Variants in MALRD1 observed in about 807,000 individuals in gnomAD.
MALRD1 encodes the protein MAM and LDL-receptor class A domain-containing protein 1.
MALRD1 carries 247 observed loss-of-function variants against 242.1 expected under a neutral mutation model. That is an observed-to-expected ratio of 1.02 (90% CI 0.92 to 1.13). The LOEUF (loss-of-function observed/expected upper bound fraction) is 1.13. Among genes scored for constraint, MALRD1 ranks in the 50% most tolerant of loss-of-function variants. The probability of loss-of-function intolerance (pLI) is 0.00; values close to 1 mark genes in which losing one functional copy is unlikely to be tolerated. For synonymous variants in MALRD1, 995 were observed against 866.6 expected (o/e 1.15, Z -2.60); for missense variants, 2,989 against 2,533.1 (o/e 1.18, Z -3.86).
At chr10:19,587,877 C>T (rs761632497) in intron 33 of MALRD1, among the ~76,000 whole-genome samples, 20 of 148,552 alleles carry the variant, frequency 1.3e-4, no homozygotes, top group East Asian at 5.9e-4. Flanking sequence ...GTCAAAGTTC[C>T]GAAATGCCAG....
chr10:19,246,992 T>A (rs1839084928), intron 18 of MALRD1, among the ~76,000 whole-genome samples: 1 of 152,018 alleles, frequency 6.6e-6, no homozygotes. Flanking sequence ...AAAAATCCCA[T>A]TATACAAATG....
At chr10:19,441,021 T>C (rs1834614526) in intron 28 of MALRD1, among the ~76,000 whole-genome samples, 1 of 152,122 alleles carries the variant, frequency 6.6e-6, no homozygotes, top group Non-Finnish European at 1.5e-5. Flanking sequence ...TCCTGACTTT[T>C]TAATGATCTC....
chr10:19,573,105 C>G (rs1445168730), intron 33 of MALRD1, among the ~76,000 whole-genome samples: 1 of 150,052 alleles, frequency 6.7e-6, no homozygotes, highest in Non-Finnish European at 1.5e-5. Flanking sequence ...CTTTCTGTCT[C>G]TCTTGTTTGC....
At chr10:19,148,788 A>AAAAAAAATATATATATATATATATATAT (rs1206724666) in intron 11 of MALRD1, among the ~76,000 whole-genome samples, 1 of 88,012 alleles carries the variant, frequency 1.1e-5, no homozygotes, top group Non-Finnish European at 2.5e-5. Context: ...AAAAAAAAAA[A>AAAAAAAATATATATATATATATATATAT]ATATATATAT....
intron 14 of MALRD1, among the ~76,000 whole-genome samples, chr10:19,202,875 A>G (rs536638426): frequency 6.6e-6 from 1 of 152,250 alleles, no homozygotes; most frequent in Non-Finnish European, 1.5e-5. Flanking sequence ...CAATATTTGG[A>G]TTACGTTCCC....
chr10:19,076,117 C>A (rs2884422), intron 2 of MALRD1, among the ~76,000 whole-genome samples: 2 of 151,556 alleles, frequency 1.3e-5, no homozygotes, highest in Non-Finnish European at 2.9e-5. Flanking sequence ...ATGTGTTTAA[C>A]TTTTTTATTC....
At chr10:19,671,345 C>T (rs1000194572) in intron 36 of MALRD1, among the ~76,000 whole-genome samples, 21 of 152,122 alleles carry the variant, frequency 1.4e-4, no homozygotes, top group African/African-American at 2.2e-4. Flanking sequence ...TGGCCAGGCA[C>T]GGTGACTCAC....
At position 19,595,287 on chromosome 10, in the gene MALRD1, G is replaced by A. The variant is rs1218166382; in HGVS notation, c.5774G>A (p.Gly1925Glu). ...QCVPLSGKCD[G>E]HEDCIDGSDE... is the part of the protein sequence containing the mutation. ...GTCCCTCTCTCAGGGAAATGTGATG[G>A]ACATGAAGACTGCATAGATGGATCT... Residue 1925 changes from glycine (G) to glutamate (E), a missense_variant, in exon 34 of 40, where the codon GGA becomes GAA. Coordinates refer to ENST00000454679, the MANE Select transcript of MALRD1 (RefSeq NM_001142308.3). The A allele has an allele frequency of 1.3e-6, 2 of 1,550,734 alleles. No individual in the cohort carries two copies.
intron 35 of MALRD1, 53 bp downstream of exon 35, chr10:19,607,955 G>A: frequency 6.5e-7 from 1 of 1,527,224 alleles, no homozygotes; most frequent in South Asian, 1.2e-5. Context: ...AACTTAACCT[G>A]CAACACAATG....
chr10:19,255,426 G>T lies in MALRD1; in HGVS notation c.2992-2258G>T, dbSNP rs1481776741. Among the ~76,000 whole-genome samples the T allele has an allele frequency of 2.0e-5, 3 of 151,796 alleles. No individual in the cohort carries two copies. The East Asian group carries it at 5.8e-4, about 29-fold the overall frequency. On this transcript the variant is annotated intron_variant, in intron 18 of 39. Transcript: ENST00000454679. The stretch of plus-strand genomic sequence containing the variant: ...GGCATTTGGGTTTATTCTTTTTGTG[G>T]TCATTTTCTCAGGACTACTATTTTA...
chr10:19,273,594 C>A (rs1251643656), intron 19 of MALRD1, among the ~76,000 whole-genome samples: 1 of 151,974 alleles, frequency 6.6e-6, no homozygotes, highest in Non-Finnish European at 1.5e-5. Flanking sequence ...AGGAAATTTA[C>A]CTGCCTGTTA....
At chr10:19,469,055 C>A (rs964391059) in intron 29 of MALRD1, among the ~76,000 whole-genome samples, 1 of 152,034 alleles carries the variant, frequency 6.6e-6, no homozygotes. Flanking sequence ...TCTGCCTGGG[C>A]CCCACAGCAG....
chr10:19,078,272 T>C (rs184071856), intron 2 of MALRD1, among the ~76,000 whole-genome samples: 41 of 151,970 alleles, frequency 2.7e-4, no homozygotes, highest in African/African-American at 9.4e-4. Flanking sequence ...TATAAGAGAG[T>C]GTTAAGACTT....
At chr10:19,734,090 T>C (rs1221215721) in intron 39 of MALRD1, 67 bp from the exon 40 acceptor site, 2 of 1,261,626 alleles carry the variant, frequency 1.6e-6, no homozygotes, top group East Asian at 2.6e-5. Context: ...TTCTGCGTGA[T>C]CTTTAAAGAG....
At chr10:19,555,648 C>T (rs535124661) in intron 32 of MALRD1, among the ~76,000 whole-genome samples, 15 of 151,956 alleles carry the variant, frequency 9.9e-5, no homozygotes, top group African/African-American at 2.9e-4. Flanking sequence ...CTTGAGAAAA[C>T]GTCTACACCA....
At chr10:19,694,024 T>C (rs533400365) in intron 38 of MALRD1, among the ~76,000 whole-genome samples, 2 of 152,156 alleles carry the variant, frequency 1.3e-5, no homozygotes, top group Admixed American at 1.3e-4. Context: ...GCTAGCCATA[T>C]GTAGAAAGCT....
chr10:19,122,757 A>G (rs113484273), intron 5 of MALRD1, among the ~76,000 whole-genome samples: 11,315 of 152,006 alleles, frequency 0.074, 499 homozygotes, highest in South Asian at 0.13. Flanking sequence ...ATGGAGTCTC[A>G]CTCTGTCACC....
chr10:19,104,721 A>G (rs569466446), intron 5 of MALRD1, among the ~76,000 whole-genome samples: 19 of 152,232 alleles, frequency 1.2e-4, no homozygotes, highest in African/African-American at 4.6e-4. Flanking sequence ...GTGGCATGAT[A>G]TAACAGAATA....
intron 36 of MALRD1, among the ~76,000 whole-genome samples, chr10:19,625,660 C>T (rs1839620446): frequency 6.6e-6 from 1 of 152,128 alleles, no homozygotes; most frequent in East Asian, 1.9e-4. Context: ...TTGTTTAAAA[C>T]TCACCTTCTC....
Sources: allele counts gnomAD v4.1 joint callset (sites outside exome capture counted in the v4.1 genomes callset), GRCh38; gene constraint gnomAD v4.1.1; transcripts MANE v1.5; gene names NCBI Gene and HGNC (gene_info 2026-07-23, HGNC 2026-07-21).